The following ESR2 variants were observed in gnomAD, a reference collection of about 807,000 sequenced individuals.
ESR2 encodes estrogen receptor beta.
Under a neutral mutation model 49.6 loss-of-function variants are expected in ESR2, and 36 were observed. The observed-to-expected ratio is 0.73, with a 90% CI of 0.56 to 0.96. The LOEUF (loss-of-function observed/expected upper bound fraction) is 0.96. Ranked by LOEUF, ESR2 falls within the 40% of genes least tolerant of loss-of-function variation. The pLI, the probability that ESR2 is intolerant of heterozygous loss-of-function variation, is 0.00. For synonymous variants in ESR2, 320 were observed against 266.1 expected (o/e 1.20, Z -1.97); for missense variants, 714 against 693.0 (o/e 1.03, Z -0.34).
intron 1 of ESR2, chr14:64,329,634 GA>G (rs2077430793): frequency 6.7e-6 from 1 of 150,136 alleles, no homozygotes; most frequent in African/African-American, 2.5e-5. Context: ...AAGAAAGAAA[GA>G]AAGAAGAAAT....
chr14:64,255,441 T>C (rs2076079866), intron 6 of ESR2, among the ~76,000 whole-genome samples: 2 of 152,074 alleles, frequency 1.3e-5, no homozygotes, highest in Admixed American at 1.3e-4. Flanking sequence ...CTGCAGTGTG[T>C]TACAAGTAAA....
chr14:64,287,894 G>C (rs1032976569), intron 1 of ESR2, among the ~76,000 whole-genome samples: 2 of 152,130 alleles, frequency 1.3e-5, no homozygotes, highest in African/African-American at 2.4e-5. Context: ...ACAATGTTCT[G>C]GTACAACAGG....
intron 1 of ESR2, among the ~76,000 whole-genome samples, chr14:64,288,191 C>T (rs1223227873): frequency 1.3e-5 from 2 of 151,970 alleles, no homozygotes; most frequent in East Asian, 1.9e-4. Flanking sequence ...CACATGGGAT[C>T]GTGCATGGTG....
intron 6 of ESR2, among the ~76,000 whole-genome samples, chr14:64,251,315 A>C (rs1258607914): frequency 7.9e-5 from 12 of 151,590 alleles, no homozygotes; most frequent in South Asian, 2.1e-4. Flanking sequence ...GGCAAAAAAA[A>C]AAAAAAACAA....
At chr14:64,334,103 A>G (rs2077499037) in intron 1 of ESR2, among the ~76,000 whole-genome samples, 1 of 152,230 alleles carries the variant, frequency 6.6e-6, no homozygotes, top group Non-Finnish European at 1.5e-5. Context: ...TTGTACCAAC[A>G]ATGAATTCTG....
intron 2 of ESR2, 52 bp from the exon 3 acceptor site, chr14:64,280,205 G>C (rs748048360): frequency 2.3e-6 from 3 of 1,331,414 alleles, no homozygotes; most frequent in Non-Finnish European, 3.1e-6. Context: ...GGAAAGGAAG[G>C]GCTTTCTAGG....
chr14:64,325,953 T>C lies in ESR2; in HGVS notation c.-91+11945A>G, dbSNP rs145865875. 1.3e-3 allele frequency among the ~76,000 whole-genome samples: 205 copies of C among 151,942 alleles called. 1 individual carries two copies. The highest frequency in any genetic ancestry group is 4.7e-3 in the African/African-American group (193 of 41,384). ...AACAACAGGTTATTAGTAGTTAAGT[T>C]TGGGAGGAGTCAACAATTATACACA... On this transcript the variant is annotated intron_variant, in intron 1 of 8. Transcript: ENST00000358599.
intron 3 of ESR2, among the ~76,000 whole-genome samples, chr14:64,272,373 G>A (rs2140778651): frequency 6.6e-6 from 1 of 152,018 alleles, no homozygotes; most frequent in South Asian, 2.1e-4. Flanking sequence ...TTGTTCCTTT[G>A]CCATGCAAGC....
intron 4 of ESR2, among the ~76,000 whole-genome samples, chr14:64,265,073 C>T (rs931521553): frequency 6.6e-6 from 1 of 152,044 alleles, no homozygotes; most frequent in African/African-American, 2.4e-5. Flanking sequence ...ATTCTAGGTC[C>T]TGTAGTGAAT....
Position 64,280,151 on chromosome 14 carries a change from T to A in ESR2, c.365A>T (p.Glu122Val), listed in dbSNP as rs2076635575. 1.2e-6 allele frequency: 2 copies of A among 1,613,068 alleles called. No homozygotes were observed. Among genetic ancestry groups the A allele is most frequent in the Admixed American group, 1.7e-5 (1 of 59,956 alleles). The change falls in exon 3 of 9, where the codon GAG becomes GTG. Residue 122 changes from glutamate (E) to valine (V), a missense_variant and splice_region_variant. By Grantham distance (121) the Glu-to-Val change is moderately radical. Coordinates refer to ENST00000341099, the MANE Select transcript of ESR2 (RefSeq NM_001437.3). ...SLEHTLPVNR[E>V]TLKRKVSGNR... ...CCCACTAACCTTCCTTTTCAGTGTC[T>A]CTCTAGGGAGCAAAGAAAATATCCA...
chr14:64,261,235 T>TTTC (rs1555577177), intron 4 of ESR2, among the ~76,000 whole-genome samples: 2 of 84,072 alleles, frequency 2.4e-5, no homozygotes, highest in Admixed American at 1.4e-4. Context: ...TATTTTTCTT[T>TTTC]TTTCTTTTTT....
chr14:64,289,238 C>T (rs763550766), intron 1 of ESR2, among the ~76,000 whole-genome samples: 4 of 151,696 alleles, frequency 2.6e-5, no homozygotes, highest in Admixed American at 2.0e-4. Flanking sequence ...TGAGGCCGGG[C>T]GCAGTGGCTC....
At position 64,282,892 on chromosome 14, in the gene ESR2, T is replaced by C. The variant is rs752813103; in HGVS notation, c.94A>G (p.Ile32Val). 6.2e-7 allele frequency: 1 copy of C among 1,614,174 alleles called. No homozygotes were observed. The highest frequency in any genetic ancestry group is 8.5e-7 in the Non-Finnish European group (1 of 1,180,018). Residue 32 changes from isoleucine (I) to valine (V), a missense_variant, in exon 2 of 9, where the codon ATA becomes GTA. Transcript: ENST00000341099. ...ILPLEHGSIY[I>V]PSSYVDSHHE... Reference sequence around the variant, plus strand: ...TGGCTGTCTACATAGGAGGAAGGTATGTATATGGAGCCGTGCTCCAGGGGT... The same window carrying C: ...TGGCTGTCTACATAGGAGGAAGGTACGTATATGGAGCCGTGCTCCAGGGGT...
chr14:64,337,977 T>A lies in ESR2; in HGVS notation c.-170A>T, dbSNP rs76605010. The A allele has an allele frequency of 9.6e-3, 1,469 of 153,146 alleles. 14 individuals are homozygous for A. Among genetic ancestry groups the A allele is most frequent in the South Asian group, 0.024 (114 of 4,826 alleles). The allele number at this position is 153,146 out of a possible 1,614,324, so 9.5% of individuals were successfully genotyped here. A position where few individuals can be genotyped will look rare whatever the true frequency, so the allele number is the denominator to read the frequency against. ...AAGCACATTCATCGGACTCAGTAAC[T>A]CAAGGGGCCAGTCCTCTCCAGCATC... On this transcript the variant is annotated 5_prime_UTR_variant, in exon 1 of 9. Coordinates refer to the ESR2 transcript ENST00000358599.
At chr14:64,324,831 AAG>A (rs1332613330) in intron 1 of ESR2, among the ~76,000 whole-genome samples, 1 of 152,244 alleles carries the variant, frequency 6.6e-6, no homozygotes, top group Non-Finnish European at 1.5e-5. Context: ...TTAATTTAAA[AAG>A]AAGTGGATCT....
At chr14:64,323,876 G>C (rs1416656255) in intron 1 of ESR2, among the ~76,000 whole-genome samples, 1 of 152,040 alleles carries the variant, frequency 6.6e-6, no homozygotes, top group African/African-American at 2.4e-5. Context: ...GTTTTTAGTA[G>C]AGACAGGGTT....
intron 1 of ESR2, among the ~76,000 whole-genome samples, chr14:64,304,284 C>T (rs2077062992): frequency 6.6e-6 from 1 of 152,070 alleles, no homozygotes; most frequent in Non-Finnish European, 1.5e-5. Flanking sequence ...GCAGCCTGGG[C>T]GACAGAGCAA....
chr14:64,316,208 C>T (rs1223110635), intron 1 of ESR2, among the ~76,000 whole-genome samples: 1 of 150,624 alleles, frequency 6.6e-6, no homozygotes, highest in East Asian at 2.0e-4. Context: ...GACAGGGTCT[C>T]ACTCTATTGC....
At chr14:64,276,170 T>TA (rs529847815) in intron 3 of ESR2, among the ~76,000 whole-genome samples, 4 of 152,280 alleles carry the variant, frequency 2.6e-5, no homozygotes, top group African/African-American at 7.2e-5. Context: ...TTTGACTATT[T>TA]AAAGATTAAC....
Sources: allele counts gnomAD v4.1 joint callset (sites outside exome capture counted in the v4.1 genomes callset), GRCh38; gene constraint gnomAD v4.1.1; transcripts MANE v1.5; gene names NCBI Gene and HGNC (gene_info 2026-07-23, HGNC 2026-07-21).